The following MME variants were observed in gnomAD, a reference collection of about 807,000 sequenced individuals.
The protein encoded by MME is membrane metalloendopeptidase, also known as neprilysin.
Under a neutral mutation model 113.2 loss-of-function variants are expected in MME, and 98 were observed. The observed-to-expected ratio is 0.87, with a 90% CI of 0.74 to 1.02. MME has a LOEUF of 1.02. Ranked by LOEUF, MME falls within the 50% of genes least tolerant of loss-of-function variation. The pLI, the probability that MME is intolerant of heterozygous loss-of-function variation, is 0.00. For synonymous variants in MME, 292 were observed against 300.6 expected (o/e 0.97, Z 0.30); for missense variants, 836 against 896.0 (o/e 0.93, Z 0.86).
At chr3:155,093,479 T>C (rs1365492203) in intron 3 of MME, among the ~76,000 whole-genome samples, 2 of 152,204 alleles carry the variant, frequency 1.3e-5, no homozygotes, top group African/African-American at 2.4e-5. Flanking sequence ...CACAGAGCAG[T>C]TAGCAGTTCC....
chr3:155,083,232 TTG>T (rs1447833885), intron 1 of MME, among the ~76,000 whole-genome samples: 1 of 152,184 alleles, frequency 6.6e-6, no homozygotes, highest in East Asian at 1.9e-4. Flanking sequence ...TATTGACGAG[TTG>T]TGTAGTCTTG....
chr3:155,100,190 CCAA>C (rs1039308658), intron 3 of MME, among the ~76,000 whole-genome samples: 13 of 152,224 alleles, frequency 8.5e-5, no homozygotes, highest in African/African-American at 3.1e-4. Flanking sequence ...ACAAAGAACT[CCAA>C]CAAATTTACA....
At chr3:155,045,364 G>A (rs1448868910) in intron 1 of MME, among the ~76,000 whole-genome samples, 2 of 151,728 alleles carry the variant, frequency 1.3e-5, no homozygotes, top group Admixed American at 1.3e-4. Flanking sequence ...TGGCCGGGAT[G>A]GTCTCCATCT....
chr3:155,043,859 T>A (rs1713448324), intron 1 of MME, among the ~76,000 whole-genome samples: 1 of 152,106 alleles, frequency 6.6e-6, no homozygotes, highest in South Asian at 2.1e-4. Flanking sequence ...CTTACATGTT[T>A]ACTTTTACGA....
At chr3:155,178,325 C>T (rs777257047) in intron 22 of MME, among the ~76,000 whole-genome samples, 5 of 152,030 alleles carry the variant, frequency 3.3e-5, no homozygotes, top group Non-Finnish European at 5.9e-5. Context: ...TTAGTTGATG[C>T]GTTGATGGGT....
intron 16 of MME, among the ~76,000 whole-genome samples, chr3:155,158,078 C>A (rs1722444478): frequency 6.6e-6 from 1 of 152,086 alleles, no homozygotes; most frequent in Non-Finnish European, 1.5e-5. Context: ...TCGTGTCCTA[C>A]TTTTGTGATC....
rs1720710623 is a variant in MME at position 155,137,350 on chromosome 3, T to C, written c.721-752T>C. 2.6e-5 allele frequency among the ~76,000 whole-genome samples: 4 copies of C among 152,152 alleles called. No homozygotes were observed. The South Asian group carries it at 8.3e-4, about 32-fold the overall frequency. ...AAGAAGTGTGATTATATTATATGAG[T>C]TTGTGGTCATTTTTCCATGAATAGT... is the stretch of plus-strand genomic sequence containing the variant. On this transcript the variant is annotated intron_variant, in intron 8 of 22. Coordinates refer to ENST00000360490, the MANE Select transcript of MME (RefSeq NM_007289.4).
At chr3:155,092,370 A>G (rs904919602) in intron 3 of MME, among the ~76,000 whole-genome samples, 5 of 152,256 alleles carry the variant, frequency 3.3e-5, no homozygotes, top group African/African-American at 1.2e-4. Context: ...ACCATCATAC[A>G]TTAATGGTGG....
intron 1 of MME, among the ~76,000 whole-genome samples, chr3:155,074,484 T>C (rs1022641091): frequency 1.8e-4 from 27 of 152,086 alleles, no homozygotes; most frequent in African/African-American, 6.5e-4. Context: ...CAGGCTGGAG[T>C]GCAGTGGCAT....
intron 16 of MME, among the ~76,000 whole-genome samples, chr3:155,155,253 A>G (rs1249971327): frequency 2.6e-5 from 4 of 152,188 alleles, no homozygotes; most frequent in Non-Finnish European, 4.4e-5. Flanking sequence ...TTCTTTTTTA[A>G]AAACAAAACG....
At chr3:155,056,167 AT>A (rs1203923832) in intron 1 of MME, among the ~76,000 whole-genome samples, 1 of 152,040 alleles carries the variant, frequency 6.6e-6, no homozygotes, top group African/African-American at 2.4e-5. Flanking sequence ...CTCTTCTAGC[AT>A]CCTTTTTTTA....
At chr3:155,157,896 C>G (rs112626966) in intron 16 of MME, among the ~76,000 whole-genome samples, 8 of 152,238 alleles carry the variant, frequency 5.3e-5, no homozygotes, top group African/African-American at 1.7e-4. Context: ...TCACAGTGGA[C>G]ATTTTAATAT....
At position 155,180,951 on chromosome 3, in the gene MME, C is replaced by A. The variant is rs1339678752; in HGVS notation, c.*492C>A. 6.0e-6 allele frequency: 1 copy of A among 167,954 alleles called. No individual in the cohort carries two copies. The highest frequency in any genetic ancestry group is 2.4e-5 in the African/African-American group (1 of 41,658). 10.4% of individuals were successfully genotyped at this position (167,954 alleles called of 1,614,324 possible). ...TCCTTCAAAATCCTTCCAAAGAATTCTTATACACATTGGGGCCTTGGAGCT... is the reference window on the plus strand; with the variant it reads ...TCCTTCAAAATCCTTCCAAAGAATTATTATACACATTGGGGCCTTGGAGCT... On this transcript the variant is annotated 3_prime_UTR_variant, in exon 23 of 23. Coordinates refer to ENST00000360490, the MANE Select transcript of MME (RefSeq NM_007289.4).
intron 10 of MME, among the ~76,000 whole-genome samples, chr3:155,140,758 A>G (rs937194028): frequency 2.0e-5 from 3 of 152,092 alleles, no homozygotes; most frequent in African/African-American, 4.8e-5. Context: ...CTCCCATAGG[A>G]AGGGGTTTGA....
chr3:155,080,063 T>G (rs947024898), upstream of MME: 1 of 152,828 alleles, frequency 6.5e-6, no homozygotes, highest in Non-Finnish European at 1.5e-5. Context: ...CCCAGGGCGC[T>G]GGGAGCCCGT....
At chr3:155,172,942 T>C (rs1032805629) in intron 22 of MME, among the ~76,000 whole-genome samples, 4 of 152,058 alleles carry the variant, frequency 2.6e-5, no homozygotes, top group Non-Finnish European at 1.5e-5. Context: ...AGGCTGTGAA[T>C]GGTTTAGGCC....
At chr3:155,139,536 T>C (rs191631069) in intron 9 of MME, among the ~76,000 whole-genome samples, 1 of 152,344 alleles carries the variant, frequency 6.6e-6, no homozygotes, top group African/African-American at 2.4e-5. Flanking sequence ...AAATTGCTTT[T>C]ACTCATTTCA....
chr3:155,083,770 A>C (rs1715391811), intron 1 of MME: 1 of 216,126 alleles, frequency 4.6e-6, no homozygotes, highest in African/African-American at 2.4e-5. Flanking sequence ...TTAACCATTG[A>C]TGTTAGTCCA....
chr3:155,104,437 G>A (rs1717523456), intron 3 of MME, among the ~76,000 whole-genome samples: 1 of 152,208 alleles, frequency 6.6e-6, no homozygotes, highest in Admixed American at 6.5e-5. Flanking sequence ...CTCTAGAAAA[G>A]AGCCTTTTTA....
Sources: allele counts gnomAD v4.1 joint callset (sites outside exome capture counted in the v4.1 genomes callset), GRCh38; gene constraint gnomAD v4.1.1; transcripts MANE v1.5; gene names NCBI Gene and HGNC (gene_info 2026-07-23, HGNC 2026-07-21).